Variants in CELF2 observed in about 807,000 individuals in gnomAD.
The protein encoded by CELF2 is CUGBP Elav-like family member 2, also known as CUG triplet repeat RNA-binding protein 2.
CELF2 carries 8 observed loss-of-function variants against 62.6 expected under a neutral mutation model. That is an observed-to-expected ratio of 0.13 (90% CI 0.07 to 0.23). The LOEUF (loss-of-function observed/expected upper bound fraction) is 0.23, where lower values mean the gene tolerates loss of function less well. Ranked by LOEUF, CELF2 falls within the 10% of genes least tolerant of loss-of-function variation. The pLI is 1.00. For missense variants in CELF2, 333 were observed against 671.0 expected (o/e 0.50, Z 5.56); for synonymous variants, 258 against 250.0 (o/e 1.03, Z -0.30).
intron 1 of CELF2, among the ~76,000 whole-genome samples, chr10:10,812,246 C>G (rs571329561): frequency 6.6e-6 from 1 of 152,236 alleles, no homozygotes; most frequent in East Asian, 1.9e-4. Flanking sequence ...AGAATAAAGC[C>G]AAGCAAAAGG....
At chr10:11,232,560 G>A (rs34509103) in intron 3 of CELF2, among the ~76,000 whole-genome samples, 10,725 of 152,216 alleles carry the variant, frequency 0.07, 417 homozygotes, top group Middle Eastern at 0.14. Flanking sequence ...TCTATGGCTC[G>A]GAAAGAAGGG....
the CELF2 span, among the ~76,000 whole-genome samples, chr10:10,788,245 T>G: frequency 6.6e-6 from 1 of 151,982 alleles, no homozygotes; most frequent in African/African-American, 2.4e-5. Flanking sequence ...GAGGCAAACT[T>G]CAAAATAGGA....
the CELF2 span, among the ~76,000 whole-genome samples, chr10:10,695,520 GT>G: frequency 1.3e-5 from 2 of 150,890 alleles, no homozygotes; most frequent in Admixed American, 1.3e-4. Flanking sequence ...TCTTTGTGGC[GT>G]TGTCTGTATT....
chr10:10,733,555 G>A, the CELF2 span, among the ~76,000 whole-genome samples: 2 of 152,090 alleles, frequency 1.3e-5, no homozygotes, highest in Non-Finnish European at 2.9e-5. Context: ...AGACATACCC[G>A]AGACTGAGCA....
chr10:10,951,291 G>T (rs1261730206), intron 2 of CELF2, among the ~76,000 whole-genome samples: 2 of 151,996 alleles, frequency 1.3e-5, no homozygotes, highest in African/African-American at 4.8e-5. Context: ...CCACAGGCAT[G>T]CACCACCACA....
chr10:10,704,839 T>A, the CELF2 span, among the ~76,000 whole-genome samples: 1 of 151,986 alleles, frequency 6.6e-6, no homozygotes, highest in African/African-American at 2.4e-5. Context: ...GTTAGAATGC[T>A]CACCCACCCC....
chr10:10,964,933 A>G (rs890565512), intron 2 of CELF2, among the ~76,000 whole-genome samples: 5 of 152,158 alleles, frequency 3.3e-5, no homozygotes, highest in Non-Finnish European at 7.4e-5. Context: ...TCAGCTGGAC[A>G]TGAAAAAAAC....
intron 1 of CELF2, among the ~76,000 whole-genome samples, chr10:11,054,481 A>G (rs75142402): frequency 0.11 from 9,824 of 88,804 alleles, 410 homozygotes; most frequent in Middle Eastern, 0.19. Context: ...ACAACTGTGT[A>G]TGTGTGTTTG....
chr10:11,238,353 A>G (rs994859943), intron 3 of CELF2, among the ~76,000 whole-genome samples: 2 of 152,198 alleles, frequency 1.3e-5, no homozygotes, highest in Non-Finnish European at 2.9e-5. Flanking sequence ...AAGGCTTTTC[A>G]TACGTTGAAT....
the CELF2 span, among the ~76,000 whole-genome samples, chr10:10,696,796 C>A: frequency 9.1e-3 from 1,385 of 152,320 alleles, 24 homozygotes; most frequent in African/African-American, 0.031. Context: ...CTTTCTTTGA[C>A]CCCTTGCGCT....
chr10:11,305,276 C>T lies in CELF2; in HGVS notation c.977-8863C>T, dbSNP rs550127979. On this transcript the variant is annotated intron_variant, in intron 9 of 12. Transcript: ENST00000633077. This position sits in a 1 kb window ranked among gnomAD's most constrained non-coding sequence, Gnocchi z 4.8. ...TATTTGAGTTGGTTTGAGAGAGCTT[C>T]CAAACAGCCCTTCCTCCACAACTGC... Among the ~76,000 whole-genome samples, 1 of 152,320 alleles carries T rather than the reference C, an allele frequency of 6.6e-6. No individual in the cohort carries two copies. Among genetic ancestry groups the T allele is most frequent in the East Asian group, 1.9e-4 (1 of 5,186 alleles).
chr10:10,515,841 T>G, the CELF2 span, among the ~76,000 whole-genome samples: 1 of 152,234 alleles, frequency 6.6e-6, no homozygotes, highest in Non-Finnish European at 1.5e-5. Flanking sequence ...ATGCACATTA[T>G]TTTTCGCATT....
chr10:11,218,166 C>T (rs1441451457), intron 3 of CELF2, among the ~76,000 whole-genome samples: 5 of 152,146 alleles, frequency 3.3e-5, no homozygotes, highest in African/African-American at 1.2e-4. Flanking sequence ...TTTTGTGGCA[C>T]TTTTATGTAT....
chr10:11,128,934 G>C (rs1003416872), intron 1 of CELF2, among the ~76,000 whole-genome samples: 5 of 152,224 alleles, frequency 3.3e-5, no homozygotes, highest in African/African-American at 1.2e-4. Context: ...AGTGGTGAGA[G>C]AGGGCATCCC....
In CELF2 at chr10:11,305,032, G is replaced by T. The variant is rs762751902; in HGVS notation, c.977-9107G>T. Among the ~76,000 whole-genome samples, 1 of 148,138 alleles carries T rather than the reference G, an allele frequency of 6.8e-6. No individual in the cohort carries two copies. Among genetic ancestry groups the T allele is most frequent in the East Asian group, 2.1e-4 (1 of 4,848 alleles). Reference sequence around the variant, plus strand: ...GAACGGGAATGCCTTTGTCAAACACGCATCGGCATCTTCTGGTTCAACTCG... The same window carrying T: ...GAACGGGAATGCCTTTGTCAAACACTCATCGGCATCTTCTGGTTCAACTCG... On this transcript the variant is annotated intron_variant, in intron 9 of 12. Coordinates refer to ENST00000633077, the MANE Select transcript of CELF2 (RefSeq NM_001326342.2). This position sits in a 1 kb window ranked among gnomAD's most constrained non-coding sequence, Gnocchi z 4.8.
chr10:10,871,535 C>T (rs2060747625), intron 1 of CELF2, among the ~76,000 whole-genome samples: 2 of 152,090 alleles, frequency 1.3e-5, no homozygotes, highest in Admixed American at 1.3e-4. Context: ...ACTGCAATCC[C>T]AGCACTTTGG....
the CELF2 span, among the ~76,000 whole-genome samples, chr10:10,513,097 A>T: frequency 6.6e-6 from 1 of 152,200 alleles, no homozygotes; most frequent in Non-Finnish European, 1.5e-5. Flanking sequence ...ATGCACAATG[A>T]TAATAATCAG....
chr10:11,139,287 G>A (rs1311416154), intron 1 of CELF2, among the ~76,000 whole-genome samples: 2 of 152,142 alleles, frequency 1.3e-5, no homozygotes, highest in Admixed American at 6.5e-5. Context: ...TTTACATAGT[G>A]CATGAATCAT....
At chr10:10,736,396 C>CTTTCTTTCTTTCTTTCTTTCT in the CELF2 span, among the ~76,000 whole-genome samples, 216 of 75,962 alleles carry the variant, frequency 2.8e-3, 1 homozygote, top group Admixed American at 5.6e-3. Flanking sequence ...TTCTTTCTTT[C>CTTTCTTTCTTTCTTTCTTTCT]TTTTTTTTTT....
Sources: gnomAD v4.1 joint callset for allele counts (sites outside exome capture counted in the v4.1 genomes callset) on GRCh38, gnomAD v4.1.1 for gene constraint, Gnocchi (gnomAD v3.1) non-coding constraint, MANE v1.5 for transcripts, NCBI Gene and HGNC (gene_info 2026-07-23, HGNC 2026-07-21) for gene names.